CDH15: variants seen among roughly 807,000 people sequenced by gnomAD.
CDH15 encodes the protein cadherin-15.
In CDH15, 73 loss-of-function variants were observed where a neutral mutation model predicts 69.4. That is an observed-to-expected ratio of 1.05 (90% confidence interval 0.87 to 1.28). CDH15 has a LOEUF of 1.28. Among genes scored for constraint, CDH15 ranks in the 50% most tolerant of loss-of-function variants. The pLI is 0.00. For synonymous variants in CDH15, 624 were observed against 507.7 expected, an observed-to-expected ratio of 1.23 and a Z score of -3.08; for missense variants, 1,343 against 1,133.6, an observed-to-expected ratio of 1.18 and a Z score of -2.65.
At chr16:89,177,495 G>A (rs556179786) in intron 1 of CDH15, among the ~76,000 whole-genome samples, 5 of 152,106 alleles carry the variant, frequency 3.3e-5, no homozygotes, top group South Asian at 2.1e-4. Flanking sequence ...AGGGTCACCC[G>A]AGAGAAAGGC....
chr16:89,181,123 C>T (rs1051434958), intron 3 of CDH15, among the ~76,000 whole-genome samples: 1 of 152,108 alleles, frequency 6.6e-6, no homozygotes. Context: ...GCTCCACCAC[C>T]GTGCCCAGTT....
intron 2 of CDH15, among the ~76,000 whole-genome samples, chr16:89,179,834 G>A (rs1209428556): frequency 2.0e-5 from 3 of 152,332 alleles, no homozygotes; most frequent in Admixed American, 6.5e-5. Flanking sequence ...CATACTCCAC[G>A]TTAGGCTGCA....
rs746426183 is a variant in CDH15 at position 89,194,896 on chromosome 16, C to G, written c.2186C>G (p.Pro729Arg). The G allele has an allele frequency of 6.2e-7, 1 of 1,607,036 alleles. No homozygotes were observed. The highest frequency in any genetic ancestry group is 8.5e-7 in the Non-Finnish European group (1 of 1,176,996). The change falls in exon 14 of 14, where the codon CCG (proline) becomes CGG (arginine). Residue 729 changes from proline (P) to arginine (R), a missense_variant. Coordinates refer to ENST00000289746, the MANE Select transcript of CDH15 (RefSeq NM_004933.3). ...GCTGCAGATAGTGACCCCAGTGTGC[C>G]GCCTTACGACACAGCCCTCATCTAT... ...LEAADSDPSV[P>R]PYDTALIYDY...
chr16:89,179,017 C>T (rs539471337), intron 1 of CDH15, among the ~76,000 whole-genome samples: 1 of 152,212 alleles, frequency 6.6e-6, no homozygotes, highest in Admixed American at 6.5e-5. Context: ...GCTGTGTCCC[C>T]GCCGGGTGAA....
chr16:89,180,314 C>A lies in CDH15; in HGVS notation c.316C>A (p.Leu106Ile). Residue 106 changes from leucine to isoleucine, a missense_variant, in exon 3 of 14, where the codon CTC becomes ATC. Physicochemically the swap from Leu to Ile is conservative, Grantham distance 5 (BLOSUM62 2). Coordinates refer to ENST00000289746, the MANE Select transcript of CDH15 (RefSeq NM_004933.3). ...SIDKFTGKVFLNAMLDREKTD... is the reference protein window; with the variant it reads ...SIDKFTGKVFINAMLDREKTD... ...CGACAAGTTCACAGGGAAGGTCTTC[C>A]TCAATGCCATGCTGGACCGCGAGAA... 6.2e-7 allele frequency: 1 copy of A among 1,612,626 alleles called. No homozygotes were observed. Among genetic ancestry groups the A allele is most frequent in the Non-Finnish European group, 8.5e-7 (1 of 1,179,574 alleles).
chr16:89,190,100 A>C, intron 7 of CDH15, 143 bp from the exon 8 acceptor site: 1 of 876,000 alleles, frequency 1.1e-6, no homozygotes, highest in Non-Finnish European at 1.8e-6. Flanking sequence ...GTCCTGCATA[A>C]TTTGTTTTTT....
chr16:89,191,431 A>T lies in CDH15; in HGVS notation c.1334A>T (p.Lys445Met). 6.2e-7 allele frequency: 1 copy of T among 1,612,624 alleles called. No individual in the cohort carries two copies. The highest frequency in any genetic ancestry group is 8.5e-7 in the Non-Finnish European group (1 of 1,179,960). Residue 445 changes from lysine to methionine, a missense_variant, in exon 9 of 14, where the codon AAG becomes ATG. Physicochemically the swap from Lys to Met is moderately conservative, Grantham distance 95. Coordinates refer to ENST00000289746, the MANE Select transcript of CDH15 (RefSeq NM_004933.3). ...CTCAGCCCGGCGTCCCCCTTCCTCAAGGGCGGCTGGTACAGAGCCATCGTC... is the reference window on the plus strand; with the variant it reads ...CTCAGCCCGGCGTCCCCCTTCCTCATGGGCGGCTGGTACAGAGCCATCGTC... ...HVLSPASPFLKGGWYRAIVLA... is the reference protein window; with the variant it reads ...HVLSPASPFLMGGWYRAIVLA...
chr16:89,180,469 C>A, intron 3 of CDH15, 114 bp downstream of exon 3: 1 of 1,223,316 alleles, frequency 8.2e-7, no homozygotes, highest in Non-Finnish European at 1.2e-6. Flanking sequence ...GGCCAGACTG[C>A]AAGATCCAGG....
In CDH15 at chr16:89,190,468, C is replaced by T; in HGVS notation, c.1204C>T (p.Pro402Ser). 6.2e-7 allele frequency: 1 copy of T among 1,600,176 alleles called. No homozygotes were observed. The highest frequency in any genetic ancestry group is 8.5e-7 in the Non-Finnish European group (1 of 1,174,602). ...GGTGGCCACCTTCTCTGCCCGGGACCCTGACACAGAGCAGCTGCAGAGGCT... is the reference window on the plus strand; with the variant it reads ...GGTGGCCACCTTCTCTGCCCGGGACTCTGACACAGAGCAGCTGCAGAGGCT... ...TLVATFSARD[P>S]DTEQLQRLSY... Residue 402 changes from proline (P) to serine (S), a missense_variant, in exon 8 of 14, where the codon CCT becomes TCT. Coordinates refer to ENST00000289746, the MANE Select transcript of CDH15 (RefSeq NM_004933.3).
chr16:89,194,015 C>T, intron 13 of CDH15, 102 bp downstream of exon 13: 2 of 1,338,970 alleles, frequency 1.5e-6, no homozygotes, highest in Non-Finnish European at 2.1e-6. Flanking sequence ...CCGGCGCCTG[C>T]ATGCACTTAT....
intron 10 of CDH15, 130 bp downstream of exon 10, chr16:89,192,024 AC>A (rs556790462): frequency 7.8e-4 from 676 of 865,216 alleles, no homozygotes; most frequent in Admixed American, 9.5e-4. Flanking sequence ...CCCTCCCGCC[AC>A]CCCCCCCACC....
intron 1 of CDH15, among the ~76,000 whole-genome samples, chr16:89,173,480 C>T (rs751566775): frequency 6.6e-6 from 1 of 152,168 alleles, no homozygotes; most frequent in East Asian, 1.9e-4. Context: ...GGGACAATAA[C>T]CCCCTCCCCC....
In CDH15 at chr16:89,187,558, G is replaced by T; in HGVS notation, c.792+1G>T. On this transcript the variant is annotated splice_donor_variant, in intron 6 of 13. Transcript: ENST00000289746. LOFTEE classifies it high-confidence loss of function. ...TGCCCCCGAGTTCACCAGGGATGAG[G>T]TGCTGCTGCTGTCCCTCCCTCGAAA... 6.2e-7 allele frequency: 1 copy of T among 1,613,446 alleles called. No individual in the cohort carries two copies. The highest frequency in any genetic ancestry group is 8.5e-7 in the Non-Finnish European group (1 of 1,180,028).
At chr16:89,186,455 A>C (rs1268712348) in intron 5 of CDH15, among the ~76,000 whole-genome samples, 1 of 136,356 alleles carries the variant, frequency 7.3e-6, no homozygotes, top group East Asian at 2.3e-4. Context: ...CCCAGCGCAC[A>C]GAAGGTGCTC....
chr16:89,189,267 C>CCACACACAGATGCCGG (rs1251846157), intron 7 of CDH15, among the ~76,000 whole-genome samples: 1 of 146,534 alleles, frequency 6.8e-6, no homozygotes, highest in Non-Finnish European at 1.5e-5. Flanking sequence ...ACACACATGC[C>CCACACACAGATGCCGG]CACACACAGA....
chr16:89,180,592 G>A (rs566759793), intron 3 of CDH15, among the ~76,000 whole-genome samples: 10 of 152,358 alleles, frequency 6.6e-5, no homozygotes, highest in South Asian at 6.2e-4. Context: ...CAGAGGTCCC[G>A]TGGAGGAGCG....
chr16:89,177,980 G>A (rs1915294894), intron 1 of CDH15, among the ~76,000 whole-genome samples: 1 of 152,184 alleles, frequency 6.6e-6, no homozygotes, highest in Admixed American at 6.5e-5. Flanking sequence ...GGTGGGGCCG[G>A]GCACCCCAGG....
chr16:89,183,862 C>G lies in CDH15; in HGVS notation c.502+170C>G, dbSNP rs558231624. On this transcript the variant is annotated intron_variant, in intron 4 of 13. Transcript: ENST00000289746. ...AGGTCAACTCCTGCCACTTCCCATT[C>G]CAACATAAATTTCAAACCCAAAAAT... Among the ~76,000 whole-genome samples the G allele has an allele frequency of 2.0e-5, 3 of 152,290 alleles. No individual in the cohort carries two copies. The South Asian group carries it at 6.2e-4, about 32-fold the overall frequency.
chr16:89,174,716 G>A (rs1915222813), intron 1 of CDH15, among the ~76,000 whole-genome samples: 1 of 152,190 alleles, frequency 6.6e-6, no homozygotes, highest in African/African-American at 2.4e-5. Flanking sequence ...GGATGAGCTT[G>A]GGGGTGTCAT....
Sources: gnomAD v4.1 joint callset for allele counts (sites outside exome capture counted in the v4.1 genomes callset) on GRCh38, gnomAD v4.1.1 for gene constraint, MANE v1.5 for transcripts, NCBI Gene and HGNC (gene_info 2026-07-23, HGNC 2026-07-21) for gene names.